FOXP2: variants seen among roughly 807,000 people sequenced by gnomAD.
The protein encoded by FOXP2 is forkhead box P2, also known as forkhead box protein P2.
In FOXP2, 12 loss-of-function variants were observed where a neutral mutation model predicts 115.8. The observed-to-expected ratio is 0.10, with a 90% CI of 0.07 to 0.17. FOXP2 has a LOEUF of 0.17. FOXP2 is among the 10% of genes least tolerant of loss of function. FOXP2 has a pLI of 1.00. For missense variants in FOXP2, 629 were observed against 843.5 expected, an observed-to-expected ratio of 0.75 and a Z score of 3.15; for synonymous variants, 328 against 297.7, an observed-to-expected ratio of 1.10 and a Z score of -1.05.
intron 2 of FOXP2, among the ~76,000 whole-genome samples, chr7:114,490,235 T>G (rs1796972344): frequency 6.6e-6 from 1 of 152,058 alleles, no homozygotes; most frequent in African/African-American, 2.4e-5. Flanking sequence ...TATTCAGCAT[T>G]AAAATGAAAT....
chr7:114,557,952 G>A (rs1345584744), intron 3 of FOXP2, among the ~76,000 whole-genome samples: 2 of 151,924 alleles, frequency 1.3e-5, no homozygotes, highest in African/African-American at 2.4e-5. Flanking sequence ...GGGATTACAG[G>A]TGCCCACCAC....
At chr7:114,202,241 C>G (rs1353934935) in intron 1 of FOXP2, among the ~76,000 whole-genome samples, 1 of 151,880 alleles carries the variant, frequency 6.6e-6, no homozygotes, top group African/African-American at 2.4e-5. Flanking sequence ...ATATCCTTCT[C>G]TCTTGCCTTC....
rs553049255 is a variant in FOXP2 at position 114,481,969 on chromosome 7, C to G, written c.169-52648C>G. ...CAGACCTGCTTTAAAAAGAGGGGGGCACTATGGCTTGTGTTCTGATTTTAA... is the reference window on the plus strand; with the variant it reads ...CAGACCTGCTTTAAAAAGAGGGGGGGACTATGGCTTGTGTTCTGATTTTAA... On this transcript the variant is annotated intron_variant, in intron 2 of 16. Transcript: ENST00000350908. Among the ~76,000 whole-genome samples the G allele has an allele frequency of 2.0e-5, 3 of 151,264 alleles. No homozygotes were observed. The East Asian group carries it at 5.8e-4, about 29-fold the overall frequency.
intron 6 of FOXP2, among the ~76,000 whole-genome samples, chr7:114,632,397 A>C (rs991327619): frequency 6.6e-6 from 1 of 152,220 alleles, no homozygotes; most frequent in Non-Finnish European, 1.5e-5. Context: ...GGAAAGTTTT[A>C]AATTATAAAA....
intron 3 of FOXP2, among the ~76,000 whole-genome samples, chr7:114,604,434 A>G (rs892391288): frequency 1.3e-5 from 2 of 152,188 alleles, no homozygotes; most frequent in African/African-American, 4.8e-5. Context: ...ATAGTCTCTC[A>G]TATGTTATGT....
At chr7:114,433,498 T>C (rs149689572) in intron 2 of FOXP2, among the ~76,000 whole-genome samples, 3 of 152,124 alleles carry the variant, frequency 2.0e-5, no homozygotes, top group Non-Finnish European at 4.4e-5. Flanking sequence ...ATTCTGAATA[T>C]TTCCATTTCT....
intron 2 of FOXP2, among the ~76,000 whole-genome samples, chr7:114,406,086 T>C (rs1015964061): frequency 2.6e-5 from 3 of 114,376 alleles, no homozygotes; most frequent in African/African-American, 8.7e-5. Flanking sequence ...AGAAGTATGA[T>C]TTGTATATGC....
chr7:114,574,971 G>A (rs527709597), intron 3 of FOXP2, among the ~76,000 whole-genome samples: 200 of 151,966 alleles, frequency 1.3e-3, no homozygotes, highest in African/African-American at 3.8e-3. Context: ...TTTATCTCCT[G>A]AATGGTTCAT....
chr7:114,445,650 G>T (rs1039533488), intron 2 of FOXP2, among the ~76,000 whole-genome samples: 2 of 151,994 alleles, frequency 1.3e-5, no homozygotes, highest in African/African-American at 4.8e-5. Flanking sequence ...TGCAGACTGG[G>T]ATTAAGTATC....
intron 8 of FOXP2, chr7:114,645,072 A>G (rs1415017720): frequency 5.4e-6 from 1 of 186,454 alleles, no homozygotes; most frequent in Non-Finnish European, 1.1e-5. Flanking sequence ...AGAACTATTT[A>G]TAAAATAGAA....
intron 1 of FOXP2, among the ~76,000 whole-genome samples, chr7:114,417,524 G>T (rs1348352485): frequency 6.6e-6 from 1 of 151,916 alleles, no homozygotes; most frequent in Non-Finnish European, 1.5e-5. Context: ...TAATGATGAT[G>T]CTGATATTAT....
chr7:114,691,262 T>C lies in FOXP2; in HGVS notation c.*1336T>C. The C allele has an allele frequency of 2.2e-6, 1 of 451,980 alleles. No homozygotes were observed. Among genetic ancestry groups the C allele is most frequent in the Non-Finnish European group, 4.4e-6 (1 of 226,316 alleles). The allele number at this position is 451,980 out of a possible 1,614,324, so 28.0% of individuals were successfully genotyped here. A position where few individuals can be genotyped will look rare whatever the true frequency, so the allele number is the denominator to read the frequency against. On this transcript the variant is annotated 3_prime_UTR_variant, in exon 17 of 17. Transcript: ENST00000350908. ...TGTACTATTTTTTTATAGTCTTAAG[T>C]TATAATGAAAAAACAAAAAGTAGGA...
intron 1 of FOXP2, among the ~76,000 whole-genome samples, chr7:114,423,867 T>C (rs1793723826): frequency 6.6e-6 from 1 of 151,502 alleles, no homozygotes; most frequent in African/African-American, 2.4e-5. Context: ...CCAAGCTTTT[T>C]TAAGTGAAAT....
At chr7:114,558,533 C>A (rs1800581274) in intron 3 of FOXP2, among the ~76,000 whole-genome samples, 1 of 152,118 alleles carries the variant, frequency 6.6e-6, no homozygotes, top group African/African-American at 2.4e-5. Flanking sequence ...ACCCTTCTTC[C>A]CTAAAATTAA....
At chr7:114,460,687 CATTA>C (rs1795523574) in intron 2 of FOXP2, among the ~76,000 whole-genome samples, 3 of 152,182 alleles carry the variant, frequency 2.0e-5, no homozygotes, top group South Asian at 2.1e-4. Context: ...CAGTTACCTA[CATTA>C]ATTGTTTAGC....
At chr7:114,409,431 C>T (rs568170626), upstream of FOXP2, among the ~76,000 whole-genome samples, 1 of 152,176 alleles carries the variant, frequency 6.6e-6, no homozygotes, top group South Asian at 2.1e-4. Context: ...TCTTCATGCA[C>T]TTCTTCATAA....
chr7:114,529,114 T>C (rs550893493), intron 2 of FOXP2, among the ~76,000 whole-genome samples: 3 of 152,024 alleles, frequency 2.0e-5, no homozygotes, highest in Non-Finnish European at 2.9e-5. Context: ...GAGCTAGGAA[T>C]ATCAGGCTAC....
chr7:114,139,360 C>T (rs1309103651), intron 1 of FOXP2, among the ~76,000 whole-genome samples: 1 of 152,106 alleles, frequency 6.6e-6, no homozygotes, highest in African/African-American at 2.4e-5. Flanking sequence ...CAGTTCCCCT[C>T]TTACCAGGTT....
chr7:114,212,122 A>ATAAAAT (rs1554431720), intron 1 of FOXP2, among the ~76,000 whole-genome samples: 1 of 131,016 alleles, frequency 7.6e-6, no homozygotes, highest in Non-Finnish European at 1.6e-5. Context: ...AATAAAATAA[A>ATAAAAT]ATATATATAT....
Sources: gnomAD v4.1 joint callset for allele counts (sites outside exome capture counted in the v4.1 genomes callset) on GRCh38, gnomAD v4.1.1 for gene constraint, MANE v1.5 for transcripts, NCBI Gene and HGNC (gene_info 2026-07-23, HGNC 2026-07-21) for gene names.